ATP5F1C: variants seen among roughly 807,000 people sequenced by gnomAD.
ATP5F1C encodes ATP synthase F(1) complex subunit gamma, mitochondrial.
ATP5F1C carries 22 observed loss-of-function variants against 37.4 expected under a neutral mutation model. The observed-to-expected ratio is 0.59, with a 90% confidence interval of 0.42 to 0.84. ATP5F1C has a LOEUF of 0.84. Ranked by LOEUF, ATP5F1C falls within the 40% of genes least tolerant of loss-of-function variation. The probability of loss-of-function intolerance (pLI) is 0.00; values close to 1 mark genes in which losing one functional copy is unlikely to be tolerated. For synonymous variants in ATP5F1C, 121 were observed against 128.0 expected (o/e 0.95, Z 0.37); for missense variants, 286 against 362.4 (o/e 0.79, Z 1.71).
chr10:7,788,529 C>G (rs1443941711), intron 1 of ATP5F1C, among the ~76,000 whole-genome samples: 1 of 152,228 alleles, frequency 6.6e-6, no homozygotes, highest in African/African-American at 2.4e-5. Context: ...GGGACTGCGG[C>G]CTGAGTCCAA....
intron 1 of ATP5F1C, among the ~76,000 whole-genome samples, chr10:7,789,805 A>G (rs1328637665): frequency 6.6e-6 from 1 of 152,268 alleles, no homozygotes; most frequent in Non-Finnish European, 1.5e-5. Context: ...ATATTTTACA[A>G]AAAATTTTAG....
chr10:7,807,777 T>G lies in ATP5F1C; in HGVS notation c.*149T>G. 8.4e-7 allele frequency: 1 copy of G among 1,187,954 alleles called. No homozygotes were observed. Among genetic ancestry groups the G allele is most frequent in the Non-Finnish European group, 1.2e-6 (1 of 850,810 alleles). The allele number at this position is 1,187,954 out of a possible 1,614,324, so 73.6% of individuals were successfully genotyped here. A position where few individuals can be genotyped will look rare whatever the true frequency, so the allele number is the denominator to read the frequency against. On this transcript the variant is annotated 3_prime_UTR_variant, in exon 10 of 10. Coordinates refer to ENST00000356708, the MANE Select transcript of ATP5F1C (RefSeq NM_001001973.3). ...GACAGCAAGATATTTGTAAATTATC[T>G]TAAAATAAACAACTTAAAATAAAAT...
Position 7,800,090 on chromosome 10 carries a change from T to C in ATP5F1C, c.636T>C (p.Ala212=), listed in dbSNP as rs1836325988. Residue 212 remains alanine (A), a splice_region_variant and synonymous_variant, in exon 6 of 10, where the codon GCT becomes GCC. Coordinates refer to ENST00000356708, the MANE Select transcript of ATP5F1C (RefSeq NM_001001973.3). ...TTTCCCTTAATACCGTTGCAAGTGC[T>C]GGTAAGTAGTTTTTCTATGATACAT... ...PIFSLNTVAS[A]DSMSIYDDID... is the part of the protein sequence containing the mutation. 1.2e-6 allele frequency: 2 copies of C among 1,613,626 alleles called. No homozygotes were observed. Among genetic ancestry groups the C allele is most frequent in the Non-Finnish European group, 1.7e-6 (2 of 1,179,858 alleles).
rs1588498763 is a variant in ATP5F1C, at chr10:7,797,153, T to C, written c.198T>C (p.Ala66=). The change falls in exon 3 of 10, where the codon GCT becomes GCC. Residue 66 remains alanine, a synonymous_variant. Transcript: ENST00000356708. ...GAGCTGAGAGAGAGCTGAAACCAGC[T>C]CGAATATATGGATTGGGATCTTTAG... is the stretch of plus-strand genomic sequence containing the variant. ...YARAERELKP[A]RIYGLGSLAL... is the part of the protein sequence containing the mutation. The C allele has an allele frequency of 1.2e-6, 2 of 1,613,950 alleles. No homozygotes were observed. Among genetic ancestry groups the C allele is most frequent in the Non-Finnish European group, 1.7e-6 (2 of 1,180,000 alleles).
At chr10:7,796,187 T>G (rs1564331410) in intron 2 of ATP5F1C, 32 bp downstream of exon 2, 9 of 1,546,624 alleles carry the variant, frequency 5.8e-6, no homozygotes, top group Non-Finnish European at 7.8e-6. Flanking sequence ...ATATGTGAAT[T>G]GAGAAAAACT....
intron 1 of ATP5F1C, among the ~76,000 whole-genome samples, chr10:7,791,616 G>T (rs1006075792): frequency 6.6e-6 from 1 of 152,178 alleles, no homozygotes. Context: ...CGGTCCATTT[G>T]ATTCTCCCTC....
intron 3 of ATP5F1C, among the ~76,000 whole-genome samples, chr10:7,798,472 T>A (rs1044855060): frequency 6.6e-6 from 1 of 152,126 alleles, no homozygotes; most frequent in Non-Finnish European, 1.5e-5. Context: ...AGTGGCATAA[T>A]CTCAGCTTGC....
chr10:7,806,668 A>AG (rs397827652), intron 8 of ATP5F1C, among the ~76,000 whole-genome samples: 1 of 151,502 alleles, frequency 6.6e-6, no homozygotes, highest in African/African-American at 2.4e-5. Flanking sequence ...AAAAAAAAAA[A>AG]CCTCTAAATA....
chr10:7,799,755 TCTTG>T lies in ATP5F1C; in HGVS notation c.429-13_429-10del, dbSNP rs1417648535. ...ATCTTATTAAACTAGCTATGTGAGC[TCTTG>T]CTTTTCTTATAGGACTCATTCTGAC... is the stretch of plus-strand genomic sequence containing the variant. On this transcript the variant is annotated splice_polypyrimidine_tract_variant and intron_variant, in intron 4 of 9. Coordinates refer to ENST00000356708, the MANE Select transcript of ATP5F1C (RefSeq NM_001001973.3). 1 of 1,610,338 alleles carries T rather than the reference TCTTG, an allele frequency of 6.2e-7. No homozygotes were observed. Among genetic ancestry groups the T allele is most frequent in the Admixed American group, 1.7e-5 (1 of 58,820 alleles).
intron 1 of ATP5F1C, among the ~76,000 whole-genome samples, chr10:7,795,591 C>T (rs772061029): frequency 2.0e-5 from 3 of 152,044 alleles, no homozygotes; most frequent in Non-Finnish European, 4.4e-5. Flanking sequence ...TCGTGTTTAC[C>T]AGTGCCTGGA....
intron 8 of ATP5F1C, among the ~76,000 whole-genome samples, chr10:7,803,860 A>G (rs1384157866): frequency 6.6e-6 from 1 of 152,194 alleles, no homozygotes; most frequent in Non-Finnish European, 1.5e-5. Context: ...ATCAGTTACC[A>G]TGCTCTTTAA....
At chr10:7,797,458 T>A (rs1836262382) in intron 3 of ATP5F1C, among the ~76,000 whole-genome samples, 1 of 152,182 alleles carries the variant, frequency 6.6e-6, no homozygotes, top group Non-Finnish European at 1.5e-5. Flanking sequence ...AGAGCCTCTG[T>A]TTGGACCTAT....
chr10:7,795,585 G>A (rs1347886148), intron 1 of ATP5F1C, among the ~76,000 whole-genome samples: 2 of 152,174 alleles, frequency 1.3e-5, no homozygotes, highest in Non-Finnish European at 2.9e-5. Context: ...ACCATGTCGT[G>A]TTTACCAGTG....
At chr10:7,806,465 G>C (rs1339289104) in intron 8 of ATP5F1C, among the ~76,000 whole-genome samples, 2 of 152,070 alleles carry the variant, frequency 1.3e-5, no homozygotes, top group Non-Finnish European at 2.9e-5. Context: ...GACCAGCCTG[G>C]CCAACATGGC....
chr10:7,790,796 T>G (rs1233190141), intron 1 of ATP5F1C, among the ~76,000 whole-genome samples: 1 of 152,210 alleles, frequency 6.6e-6, no homozygotes, highest in Non-Finnish European at 1.5e-5. Context: ...GTCCCACCAG[T>G]TCCTCATCTG....
chr10:7,802,337 C>T lies in ATP5F1C; in HGVS notation c.705C>T (p.Ala235=), dbSNP rs1836384477. ...AAAATTACCAAGAATACAATCTGGC[C>T]AACATCATCTACTACTCTCTGAAGG... The part of the protein sequence containing the change: ...VLQNYQEYNL[A]NIIYYSLKES... Residue 235 remains alanine, a synonymous_variant, in exon 7 of 10, where the codon GCC becomes GCT. Transcript: ENST00000356708. 6.2e-7 allele frequency: 1 copy of T among 1,614,016 alleles called. No individual in the cohort carries two copies. The highest frequency in any genetic ancestry group is 1.3e-5 in the African/African-American group (1 of 74,976).
At position 7,795,413 on chromosome 10, in the gene ATP5F1C, G is replaced by GA. The variant is rs573341089; in HGVS notation, c.57-706dup. Among the ~76,000 whole-genome samples, 8 of 152,068 alleles carry GA rather than the reference G, an allele frequency of 5.3e-5. No homozygotes were observed. In the South Asian group the frequency reaches 1.5e-3, roughly 28 times the overall value. On this transcript the variant is annotated intron_variant, in intron 1 of 9. Coordinates refer to ENST00000356708, the MANE Select transcript of ATP5F1C (RefSeq NM_001001973.3). The stretch of plus-strand genomic sequence containing the variant: ...AGCATGTCTTCCCCCATTAGGCCAG[G>GA]AATTCTCTCATATTCATCTTTCACC...
chr10:7,801,351 TATTTTGATA>T (rs1836362817), intron 6 of ATP5F1C, among the ~76,000 whole-genome samples: 1 of 152,222 alleles, frequency 6.6e-6, no homozygotes, highest in Admixed American at 6.5e-5. Flanking sequence ...TGAAATATAG[TATTTTGATA>T]ATATATAGTA....
intron 6 of ATP5F1C, 41 bp downstream of exon 6, chr10:7,800,132 A>G (rs1836327110): frequency 6.3e-7 from 1 of 1,576,438 alleles, no homozygotes. Flanking sequence ...TGGCATATAG[A>G]ATGGAGAGAT....
Sources: allele counts gnomAD v4.1 joint callset (sites outside exome capture counted in the v4.1 genomes callset), GRCh38; gene constraint gnomAD v4.1.1; transcripts MANE v1.5; gene names NCBI Gene and HGNC (gene_info 2026-07-23, HGNC 2026-07-21).